The following PRKN variants were observed in gnomAD, a reference collection of about 807,000 sequenced individuals.
PRKN encodes the protein parkin RBR E3 ubiquitin protein ligase.
In PRKN, 56 loss-of-function variants were observed where a neutral mutation model predicts 59.5. The observed-to-expected ratio is 0.94, with a 90% CI of 0.76 to 1.18. The LOEUF is 1.18. PRKN is among the 50% of genes most tolerant of loss of function. The probability of loss-of-function intolerance (pLI) is 0.00; values close to 1 mark genes in which losing one functional copy is unlikely to be tolerated. For synonymous variants in PRKN, 250 were observed against 222.1 expected (o/e 1.13, Z -1.12); for missense variants, 657 against 596.4 (o/e 1.10, Z -1.06).
chr6:162,516,613 A>G (rs113970780), intron 1 of PRKN, among the ~76,000 whole-genome samples: 13,590 of 151,936 alleles, frequency 0.089, 647 homozygotes, highest in South Asian at 0.17. Context: ...TTAGCTGAGC[A>G]TGGTGGTGCA....
At chr6:161,755,090 A>T (rs999755027) in intron 7 of PRKN, among the ~76,000 whole-genome samples, 1 of 152,180 alleles carries the variant, frequency 6.6e-6, no homozygotes, top group African/African-American at 2.4e-5. Context: ...ACTTGACCCA[A>T]CTTAAATTTT....
intron 1 of PRKN, among the ~76,000 whole-genome samples, chr6:162,675,028 T>TTTTA (rs139787389): frequency 0.016 from 2,423 of 148,490 alleles, 48 homozygotes; most frequent in South Asian, 0.036. Flanking sequence ...GAAGACTTTA[T>TTTTA]TTTATTTATT....
intron 6 of PRKN, among the ~76,000 whole-genome samples, chr6:161,916,628 A>C (rs112385301): frequency 0.014 from 2,104 of 152,164 alleles, 59 homozygotes; most frequent in East Asian, 0.059. Context: ...CTTACTATTT[A>C]TTCTCTTTTC....
chr6:161,965,608 G>C (rs182419531), intron 6 of PRKN, among the ~76,000 whole-genome samples: 1 of 152,178 alleles, frequency 6.6e-6, no homozygotes, highest in East Asian at 1.9e-4. Flanking sequence ...AGGAGGTCCT[G>C]AGAACATACC....
At chr6:161,970,578 C>T (rs1258518045) in intron 6 of PRKN, among the ~76,000 whole-genome samples, 1 of 151,556 alleles carries the variant, frequency 6.6e-6, no homozygotes, top group East Asian at 1.9e-4. Context: ...ACTATTGTCA[C>T]CCTGGCTGGA....
At chr6:161,946,437 CT>C in intron 6 of PRKN, among the ~76,000 whole-genome samples, 1 of 150,712 alleles carries the variant, frequency 6.6e-6, no homozygotes, top group Non-Finnish European at 1.5e-5. Flanking sequence ...CTCTCTCTCT[CT>C]CTCTCTCTCT....
At chr6:162,692,004 CTTTTG>C (rs767392823) in intron 1 of PRKN, among the ~76,000 whole-genome samples, 3 of 151,702 alleles carry the variant, frequency 2.0e-5, no homozygotes, top group Non-Finnish European at 4.4e-5. Flanking sequence ...AAAAAAAAAT[CTTTTG>C]TTGTGCAGAA....
In PRKN at chr6:161,560,861, G is replaced by A. The variant is rs1216398097; in HGVS notation, c.933+8494C>T. Among the ~76,000 whole-genome samples, 1 of 152,116 alleles carries A rather than the reference G, an allele frequency of 6.6e-6. No individual in the cohort carries two copies. Among genetic ancestry groups the A allele is most frequent in the Admixed American group, 6.5e-5 (1 of 15,270 alleles). ...CCAGGCCCACCTTCCTTCCTGGTCT[G>A]ACAGCTTCTGTCATCTACCACCAGA... On this transcript the variant is annotated intron_variant, in intron 8 of 11. Coordinates refer to ENST00000366898, the MANE Select transcript of PRKN (RefSeq NM_004562.3). The surrounding 1 kb of genome is among the most constrained non-coding windows in gnomAD (Gnocchi z 4.9).
chr6:162,386,715 C>A (rs1408205978), intron 2 of PRKN, among the ~76,000 whole-genome samples: 1 of 151,960 alleles, frequency 6.6e-6, no homozygotes, highest in Admixed American at 6.6e-5. Flanking sequence ...CATGTGTGTG[C>A]GCAGGTATAA....
Position 162,221,639 on chromosome 6 carries a change from T to G in PRKN, c.413-20387A>C, listed in dbSNP as rs928316651. Among the ~76,000 whole-genome samples, 3 of 152,188 alleles carry G rather than the reference T, an allele frequency of 2.0e-5. No individual in the cohort carries two copies. The East Asian group carries it at 5.8e-4, about 29-fold the overall frequency. On this transcript the variant is annotated intron_variant, in intron 3 of 11. Coordinates refer to ENST00000366898, the MANE Select transcript of PRKN (RefSeq NM_004562.3). ...TCCCAAGCCAAAATTTGACATAGACTATGCTTCTCCGGCCTTATTTCATTA... is the reference window on the plus strand; with the variant it reads ...TCCCAAGCCAAAATTTGACATAGACGATGCTTCTCCGGCCTTATTTCATTA...
At chr6:162,485,416 T>C (rs969492808) in intron 1 of PRKN, among the ~76,000 whole-genome samples, 10 of 152,240 alleles carry the variant, frequency 6.6e-5, no homozygotes, top group African/African-American at 2.4e-4. Flanking sequence ...ATTTTTTAAA[T>C]GCTACTCAGC....
intron 7 of PRKN, among the ~76,000 whole-genome samples, chr6:161,658,980 C>T (rs184260969): frequency 5.3e-4 from 80 of 152,334 alleles, no homozygotes; most frequent in African/African-American, 1.9e-3. Context: ...AGAGGAGGCC[C>T]AGTGCTGAGT....
intron 6 of PRKN, among the ~76,000 whole-genome samples, chr6:161,850,544 C>G (rs931052279): frequency 7.4e-6 from 1 of 134,962 alleles, no homozygotes. Context: ...CCACTGCACT[C>G]CAGCCTGGTG....
At position 162,551,683 on chromosome 6, in the gene PRKN, C is replaced by A. The variant is rs1185039471; in HGVS notation, c.8-108210G>T. ...AAGATGGTTTGGTTTCTGTTGAGGGCAGAGTAAGTTCATACAGAAGCTCCG... is the reference window on the plus strand; with the variant it reads ...AAGATGGTTTGGTTTCTGTTGAGGGAAGAGTAAGTTCATACAGAAGCTCCG... On this transcript the variant is annotated intron_variant, in intron 1 of 11. Coordinates refer to ENST00000366898, the MANE Select transcript of PRKN (RefSeq NM_004562.3). Among the ~76,000 whole-genome samples, 2 of 152,082 alleles carry A rather than the reference C, an allele frequency of 1.3e-5. 1 individual carries two copies. Among genetic ancestry groups the A allele is most frequent in the Non-Finnish European group, 2.9e-5 (2 of 68,022 alleles).
At chr6:161,577,544 A>T (rs1211172422) in intron 7 of PRKN, among the ~76,000 whole-genome samples, 12 of 152,252 alleles carry the variant, frequency 7.9e-5, no homozygotes, top group Non-Finnish European at 1.3e-4. Context: ...TTATCTGAGT[A>T]GTATAGCATG....
At chr6:161,510,704 A>C (rs1778353008) in intron 9 of PRKN, among the ~76,000 whole-genome samples, 1 of 152,210 alleles carries the variant, frequency 6.6e-6, no homozygotes, top group Non-Finnish European at 1.5e-5. Flanking sequence ...CTCCAGCAGA[A>C]GTTATGTTTT....
At chr6:162,658,522 A>T (rs1356608924) in intron 1 of PRKN, among the ~76,000 whole-genome samples, 1 of 151,906 alleles carries the variant, frequency 6.6e-6, no homozygotes, top group Non-Finnish European at 1.5e-5. Context: ...TTAGCTGGGC[A>T]TGATGGCGGG....
At chr6:162,378,179 A>G (rs1428083853) in intron 2 of PRKN, among the ~76,000 whole-genome samples, 2 of 152,214 alleles carry the variant, frequency 1.3e-5, no homozygotes, top group Admixed American at 6.5e-5. Flanking sequence ...TGTGTAGAAT[A>G]AAAGGACAGA....
At chr6:161,628,257 C>T (rs752974344) in intron 7 of PRKN, among the ~76,000 whole-genome samples, 11 of 152,196 alleles carry the variant, frequency 7.2e-5, no homozygotes, top group Non-Finnish European at 1.5e-4. Flanking sequence ...CCTGCTGTAA[C>T]AAGATACTAT....
Sources: gnomAD v4.1 joint callset for allele counts (sites outside exome capture counted in the v4.1 genomes callset) on GRCh38, gnomAD v4.1.1 for gene constraint, Gnocchi (gnomAD v3.1) non-coding constraint, MANE v1.5 for transcripts, NCBI Gene and HGNC (gene_info 2026-07-23, HGNC 2026-07-21) for gene names.